ENTREP2: variants seen among roughly 807,000 people sequenced by gnomAD.
The protein encoded by ENTREP2 is protein ENTREP2.
the ENTREP2 span, among the ~76,000 whole-genome samples, chr15:29,214,750 G>GT: frequency 6.6e-6 from 1 of 151,874 alleles, no homozygotes; most frequent in Non-Finnish European, 1.5e-5. Flanking sequence ...TATTTGCATG[G>GT]TTTTGAAGGT....
At chr15:29,397,973 G>A in the ENTREP2 span, among the ~76,000 whole-genome samples, 1 of 151,586 alleles carries the variant, frequency 6.6e-6, no homozygotes, top group African/African-American at 2.4e-5. Flanking sequence ...TTTCCCCCAT[G>A]TATCAGGCAT....
At chr15:29,172,387 G>A in the ENTREP2 span, among the ~76,000 whole-genome samples, 3 of 152,180 alleles carry the variant, frequency 2.0e-5, no homozygotes. Flanking sequence ...GTCCTAGATG[G>A]TTGGAAGTGT....
the ENTREP2 span, among the ~76,000 whole-genome samples, chr15:29,493,125 C>CTTTTTTTTTTTTTTTTTTTTT: frequency 1.2e-5 from 1 of 84,774 alleles, no homozygotes; most frequent in African/African-American, 5.3e-5. Context: ...CCTGACAACC[C>CTTTTTTTTTTTTTTTTTTTTT]TTTTTTTTTT....
the ENTREP2 span, among the ~76,000 whole-genome samples, chr15:29,155,087 C>T: frequency 6.6e-6 from 1 of 151,004 alleles, no homozygotes; most frequent in Non-Finnish European, 1.5e-5. Flanking sequence ...TCGAGACCAT[C>T]CTGGCTAACA....
chr15:29,563,318 T>G, the ENTREP2 span, among the ~76,000 whole-genome samples: 1 of 152,228 alleles, frequency 6.6e-6, no homozygotes, highest in Non-Finnish European at 1.5e-5. Context: ...GTGTCCTACA[T>G]TCCTTTAATT....
chr15:29,232,747 G>A, the ENTREP2 span, among the ~76,000 whole-genome samples: 1 of 152,024 alleles, frequency 6.6e-6, no homozygotes, highest in Non-Finnish European at 1.5e-5. Flanking sequence ...GGGCTCAAGC[G>A]ATCCTCCTGC....
At chr15:29,428,046 A>C in the ENTREP2 span, among the ~76,000 whole-genome samples, 1 of 152,204 alleles carries the variant, frequency 6.6e-6, no homozygotes, top group African/African-American at 2.4e-5. Flanking sequence ...TGCAGTATGT[A>C]CCTAGACCTA....
chr15:29,323,462 A>G, the ENTREP2 span, among the ~76,000 whole-genome samples: 2 of 152,128 alleles, frequency 1.3e-5, no homozygotes, highest in Non-Finnish European at 2.9e-5. Flanking sequence ...ATCTTACCCT[A>G]TACATCTCCT....
chr15:29,523,439 T>C, the ENTREP2 span, among the ~76,000 whole-genome samples: 1 of 152,028 alleles, frequency 6.6e-6, no homozygotes, highest in Admixed American at 6.6e-5. Context: ...TGAAATGAAT[T>C]GAAGAAAGCT....
At chr15:29,518,149 C>T in the ENTREP2 span, among the ~76,000 whole-genome samples, 1 of 151,990 alleles carries the variant, frequency 6.6e-6, no homozygotes, top group South Asian at 2.1e-4. Context: ...GAGGCTACAG[C>T]GAGCTATGAT....
At chr15:29,484,317 A>G in the ENTREP2 span, among the ~76,000 whole-genome samples, 4 of 152,190 alleles carry the variant, frequency 2.6e-5, no homozygotes, top group South Asian at 4.2e-4. Context: ...AAGATCTTCA[A>G]TTGTTCAGAG....
the ENTREP2 span, among the ~76,000 whole-genome samples, chr15:29,523,946 T>C: frequency 7.2e-5 from 11 of 152,124 alleles, no homozygotes; most frequent in South Asian, 2.1e-4. Flanking sequence ...GAAAAAGATA[T>C]AGATGTAAAT....
At chr15:29,172,127 C>A in the ENTREP2 span, among the ~76,000 whole-genome samples, 1 of 152,118 alleles carries the variant, frequency 6.6e-6, no homozygotes, top group African/African-American at 2.4e-5. Context: ...TAGATTTGAG[C>A]CTGCTTGAAA....
At chr15:29,539,232 C>T in the ENTREP2 span, among the ~76,000 whole-genome samples, 1 of 127,968 alleles carries the variant, frequency 7.8e-6, no homozygotes, top group Admixed American at 9.5e-5. Context: ...CCAGCATCCA[C>T]CAGAGTGTCA....
At chr15:29,390,628 C>T in the ENTREP2 span, among the ~76,000 whole-genome samples, 3 of 152,106 alleles carry the variant, frequency 2.0e-5, no homozygotes, top group East Asian at 1.9e-4. Flanking sequence ...AACAGGCTGC[C>T]GGGAAATAAT....
chr15:29,135,723 A>C, the ENTREP2 span, among the ~76,000 whole-genome samples: 1 of 152,196 alleles, frequency 6.6e-6, no homozygotes. The surrounding 1 kb of genome is among the most constrained non-coding windows in gnomAD (Gnocchi z 7.4). Context: ...GTCAGGCACC[A>C]TGAGGCTGCA....
chr15:29,299,357 G>A, the ENTREP2 span, among the ~76,000 whole-genome samples: 1 of 152,180 alleles, frequency 6.6e-6, no homozygotes, highest in African/African-American at 2.4e-5. Flanking sequence ...CTGGGCCTCT[G>A]CTGGAAAGAC....
At chr15:29,220,601 AG>A in the ENTREP2 span, among the ~76,000 whole-genome samples, 1 of 152,192 alleles carries the variant, frequency 6.6e-6, no homozygotes, top group Non-Finnish European at 1.5e-5. Flanking sequence ...CCTGCTCCAC[AG>A]GAACGGTGGG....
chr15:29,182,792 C>T, the ENTREP2 span, among the ~76,000 whole-genome samples: 1 of 151,766 alleles, frequency 6.6e-6, no homozygotes, highest in Non-Finnish European at 1.5e-5. Context: ...AATACAGAAC[C>T]AGTATTTCCC....
Sources: allele counts gnomAD v4.1 joint callset (sites outside exome capture counted in the v4.1 genomes callset), GRCh38; gene constraint gnomAD v4.1.1; non-coding constraint Gnocchi (gnomAD v3.1); transcripts MANE v1.5; gene names NCBI Gene and HGNC (gene_info 2026-07-23, HGNC 2026-07-21).